KLF8: variants seen among roughly 807,000 people sequenced by gnomAD.
KLF8 encodes the protein KLF transcription factor 8.
A neutral mutation model predicts 18.2 loss-of-function variants in KLF8; 10 were observed. The observed-to-expected ratio is 0.55, with a 90% CI of 0.34 to 0.93. The LOEUF is 0.93. KLF8 is among the 40% of genes least tolerant of loss of function. The pLI is 0.02. For missense variants in KLF8, 264 were observed against 277.9 expected (o/e 0.95, Z 0.36); for synonymous variants, 109 against 97.3 (o/e 1.12, Z -0.71).
At chrX:55,949,333 CTGTGTGTGTGTGTGTGTGTGTGTGTGTG>C in the KLF8 span, among the ~76,000 whole-genome samples, 4 of 88,177 alleles carry the variant, frequency 4.5e-5, no homozygotes, top group African/African-American at 1.5e-4. Flanking sequence ...TTTTCATATG[CTGTGTGTGTGTGTGTGTGTGTGTGTGTG>C]TGTGTGTGTG....
At chrX:56,051,977 C>T in the KLF8 span, among the ~76,000 whole-genome samples, 1 of 110,368 alleles carries the variant, frequency 9.1e-6, no homozygotes, top group Non-Finnish European at 1.9e-5. Flanking sequence ...TATTTTTATT[C>T]TTTTTTCTCT....
At chrX:56,068,866 G>A in the KLF8 span, among the ~76,000 whole-genome samples, 2 of 112,213 alleles carry the variant, frequency 1.8e-5, no homozygotes, top group East Asian at 5.6e-4. Context: ...TGATAGCCAT[G>A]CAGGTAATGC....
At chrX:55,948,272 G>A in the KLF8 span, among the ~76,000 whole-genome samples, 2 of 111,981 alleles carry the variant, frequency 1.8e-5, no homozygotes, top group African/African-American at 6.5e-5. Flanking sequence ...AGGCCATATG[G>A]TCTCTATTGC....
the KLF8 span, among the ~76,000 whole-genome samples, chrX:55,932,777 C>T: frequency 5.8e-4 from 65 of 111,717 alleles, no homozygotes; most frequent in African/African-American, 2.1e-3. Flanking sequence ...GTAACCCGAC[C>T]TTTCTCTCTG....
At chrX:56,270,128 T>C in intron 4 of KLF8, 54 bp from the exon 5 acceptor site, 2 of 1,124,664 alleles carry the variant, frequency 1.8e-6, no homozygotes, top group South Asian at 2.2e-5. Context: ...AATTCATTTT[T>C]TTAGCCTTCA....
the KLF8 span, among the ~76,000 whole-genome samples, chrX:56,204,318 T>C: frequency 3.6e-5 from 4 of 112,026 alleles, no homozygotes; most frequent in Non-Finnish European, 7.5e-5. Context: ...AGTAGCTTTT[T>C]TGTGGAGTTT....
At chrX:55,946,085 C>T in the KLF8 span, among the ~76,000 whole-genome samples, 3 of 111,516 alleles carry the variant, frequency 2.7e-5, no homozygotes, top group Non-Finnish European at 5.7e-5. Context: ...GATTCAATGC[C>T]ACCCCCATCA....
At chrX:56,068,122 C>T in the KLF8 span, among the ~76,000 whole-genome samples, 2 of 112,193 alleles carry the variant, frequency 1.8e-5, no homozygotes, top group Non-Finnish European at 3.8e-5. Flanking sequence ...GACAGCAGGG[C>T]ACATGACCCC....
the KLF8 span, among the ~76,000 whole-genome samples, chrX:56,036,103 T>C: frequency 8.9e-6 from 1 of 111,966 alleles, no homozygotes; most frequent in African/African-American, 3.2e-5. Context: ...TAATTTATTT[T>C]ATTTTTTAAT....
chrX:56,000,902 A>G, the KLF8 span, among the ~76,000 whole-genome samples: 1 of 111,680 alleles, frequency 9.0e-6, no homozygotes, highest in Admixed American at 9.6e-5. Flanking sequence ...GTTGCAAGCC[A>G]CTGAAACCAG....
At chrX:56,206,216 T>C in the KLF8 span, among the ~76,000 whole-genome samples, 2 of 111,089 alleles carry the variant, frequency 1.8e-5, no homozygotes, top group African/African-American at 6.6e-5. Context: ...AGCCAAACCA[T>C]ACCATCCCAC....
the KLF8 span, among the ~76,000 whole-genome samples, chrX:55,972,863 T>C: frequency 8.9e-6 from 1 of 112,071 alleles, no homozygotes; most frequent in African/African-American, 3.2e-5. Context: ...TTGGAAAAAC[T>C]ATTCCAAGAG....
At chrX:56,190,530 T>G in the KLF8 span, among the ~76,000 whole-genome samples, 1 of 111,555 alleles carries the variant, frequency 9.0e-6, no homozygotes, top group Non-Finnish European at 1.9e-5. Flanking sequence ...GAATAAATAT[T>G]TTTTCCTTGG....
chrX:56,144,024 TA>T, the KLF8 span, among the ~76,000 whole-genome samples: 1 of 111,967 alleles, frequency 8.9e-6, no homozygotes, highest in Non-Finnish European at 1.9e-5. Context: ...GTTCAATCAC[TA>T]ATTCAATATG....
At chrX:56,064,297 C>T in the KLF8 span, among the ~76,000 whole-genome samples, 4 of 108,028 alleles carry the variant, frequency 3.7e-5, no homozygotes, top group South Asian at 1.6e-3. Flanking sequence ...GTCTTTTTGC[C>T]TTTTTTTTCT....
At chrX:56,193,387 C>T in the KLF8 span, among the ~76,000 whole-genome samples, 1 of 111,732 alleles carries the variant, frequency 8.9e-6, no homozygotes, top group Non-Finnish European at 1.9e-5. Flanking sequence ...TAAGTTAGTA[C>T]AACCACCATG....
chrX:56,075,138 A>G, the KLF8 span, among the ~76,000 whole-genome samples: 182 of 110,315 alleles, frequency 1.6e-3, 5 homozygotes, highest in East Asian at 0.048. Context: ...TCTAATTTTC[A>G]GAGTGTAAGT....
rs2067277254 is a variant in KLF8, at chrX:56,287,116, G to A, written c.*2622G>A. The stretch of plus-strand genomic sequence containing the variant: ...AATATCTTGTTGAACTAATTAGGTT[G>A]ATCAAATTAGGATCCCAAATATTGG... On this transcript the variant is annotated 3_prime_UTR_variant, in exon 6 of 6. Coordinates refer to ENST00000468660, the MANE Select transcript of KLF8 (RefSeq NM_007250.5). The A allele has an allele frequency of 9.0e-6, 1 of 111,654 alleles. No individual in the cohort carries two copies. The highest frequency in any genetic ancestry group is 3.7e-4 in the South Asian group (1 of 2,680). 9.2% of individuals were successfully genotyped at this position (111,654 alleles called of 1,213,427 possible).
chrX:55,962,956 A>T, the KLF8 span, among the ~76,000 whole-genome samples: 1 of 112,424 alleles, frequency 8.9e-6, no homozygotes, highest in African/African-American at 3.2e-5. Flanking sequence ...TTAAAAAGAG[A>T]CCATATTGCA....
Sources: allele counts gnomAD v4.1 joint callset (sites outside exome capture counted in the v4.1 genomes callset), GRCh38; gene constraint gnomAD v4.1.1; transcripts MANE v1.5; gene names NCBI Gene and HGNC (gene_info 2026-07-23, HGNC 2026-07-21).